Variants in NDUFAB1 observed in about 807,000 individuals in gnomAD.
NDUFAB1 encodes acyl carrier protein, mitochondrial.
In NDUFAB1, 5 loss-of-function variants were observed where a neutral mutation model predicts 16.1. The observed-to-expected ratio is 0.31, with a 90% CI of 0.16 to 0.65. The LOEUF is 0.65. Ranked by LOEUF, NDUFAB1 falls within the 30% of genes least tolerant of loss-of-function variation. NDUFAB1 has a pLI of 0.77. For synonymous variants in NDUFAB1, 85 were observed against 78.4 expected (o/e 1.08, Z -0.44); for missense variants, 187 against 205.3 (o/e 0.91, Z 0.54).
At chr16:23,592,520 G>T (rs563141651) in intron 1 of NDUFAB1, among the ~76,000 whole-genome samples, 5 of 152,232 alleles carry the variant, frequency 3.3e-5, no homozygotes, top group African/African-American at 9.6e-5. Context: ...CCTGGTCCCA[G>T]TCCTGGAATA....
chr16:23,596,081 C>A (rs771677322), intron 1 of NDUFAB1, 42 bp downstream of exon 1: 4 of 1,593,792 alleles, frequency 2.5e-6, no homozygotes, highest in African/African-American at 2.7e-5. Context: ...CGGGCCCAAT[C>A]CCTGACCCTT....
Position 23,587,227 on chromosome 16 carries a change from C to T in NDUFAB1, c.261G>A (p.Leu87=), listed in dbSNP as rs1966240997. ...EGIQDRVLYV[L]KLYDKIDPEK... ...CTGGGTCAATCTTGTCATAGAGTTT[C>T]AATACGTAAAGAACACGGTCCTGGA... Residue 87 remains leucine, a synonymous_variant, in exon 2 of 5, where the codon TTG becomes TTA. Coordinates refer to ENST00000007516, the MANE Select transcript of NDUFAB1 (RefSeq NM_005003.3). 6.2e-7 allele frequency: 1 copy of T among 1,613,972 alleles called. No individual in the cohort carries two copies. The highest frequency in any genetic ancestry group is 8.5e-7 in the Non-Finnish European group (1 of 1,179,948).
intron 3 of NDUFAB1, 94 bp from the exon 4 acceptor site, chr16:23,582,469 T>C (rs1373818403): frequency 2.5e-5 from 34 of 1,359,212 alleles, no homozygotes; most frequent in Non-Finnish European, 3.1e-5. Flanking sequence ...GCTACAAGTA[T>C]ATCAAAACTT....
At chr16:23,593,891 T>G (rs903570100) in intron 1 of NDUFAB1, among the ~76,000 whole-genome samples, 5 of 146,862 alleles carry the variant, frequency 3.4e-5, no homozygotes, top group African/African-American at 1.0e-4. Context: ...TTTATTTATT[T>G]ATTTATTGAG....
At chr16:23,583,144 A>G (rs1214505779) in intron 3 of NDUFAB1, among the ~76,000 whole-genome samples, 3 of 152,238 alleles carry the variant, frequency 2.0e-5, no homozygotes, top group South Asian at 4.1e-4. Flanking sequence ...GCTGGAGTGC[A>G]GTGGCGTGAT....
At position 23,595,678 on chromosome 16, in the gene NDUFAB1, C is replaced by G. The variant is rs1447783620; in HGVS notation, c.168+445G>C. On this transcript the variant is annotated intron_variant, in intron 1 of 4. Transcript: ENST00000007516. ...AAGGACAGAACTGCAGAGAGAAAAC[C>G]GCTCTGGAGAAGGCTGTAGGCCAGT... The G allele has an allele frequency of 4.6e-5, 21 of 460,120 alleles. No individual in the cohort carries two copies. The East Asian group carries it at 1.4e-3, about 30-fold the overall frequency. The allele number at this position is 460,120 out of a possible 1,614,324, so 28.5% of individuals were successfully genotyped here. A position where few individuals can be genotyped will look rare whatever the true frequency, so the allele number is the denominator to read the frequency against.
chr16:23,581,618 CAA>C (rs1966180534), intron 4 of NDUFAB1, among the ~76,000 whole-genome samples: 1 of 151,276 alleles, frequency 6.6e-6, no homozygotes, highest in African/African-American at 2.4e-5. Flanking sequence ...TGTTTTAATT[CAA>C]AAAGTCTTAT....
In NDUFAB1 at chr16:23,582,374, C is replaced by A. The variant is rs1051763246; in HGVS notation, c.381G>T (p.Gly127=). Residue 127 remains glycine, a splice_region_variant and synonymous_variant, in exon 4 of 5, where the codon GGG becomes GGT. Coordinates refer to ENST00000007516, the MANE Select transcript of NDUFAB1 (RefSeq NM_005003.3). ...EIIMAMEDEF[G]FEIPDIDAEK... ...CAGCATCTATATCAGGAATTTCAAA[C>A]CCTAAAAGAAAAATATACAACAATG... The A allele has an allele frequency of 6.4e-6, 10 of 1,558,790 alleles. No homozygotes were observed. In the Admixed American group the frequency reaches 8.2e-5, roughly 13 times the overall value.
At chr16:23,584,548 G>A (rs1567407499) in intron 3 of NDUFAB1, among the ~76,000 whole-genome samples, 1 of 151,734 alleles carries the variant, frequency 6.6e-6, no homozygotes, top group Non-Finnish European at 1.5e-5. Context: ...ACACTGTGCT[G>A]AGCATTTTAC....
chr16:23,591,616 C>T (rs888036988), intron 1 of NDUFAB1, among the ~76,000 whole-genome samples: 2 of 152,206 alleles, frequency 1.3e-5, no homozygotes, highest in African/African-American at 4.8e-5. Flanking sequence ...TTCATGTTCA[C>T]TCCCTATGAC....
intron 1 of NDUFAB1, among the ~76,000 whole-genome samples, chr16:23,587,625 T>C (rs1017337098): frequency 3.9e-5 from 6 of 152,240 alleles, no homozygotes; most frequent in Admixed American, 1.3e-4. Context: ...TAAAATTGTC[T>C]AGCGTCTGCA....
chr16:23,584,266 A>AAAAAAAAG (rs1320900421), intron 3 of NDUFAB1, among the ~76,000 whole-genome samples: 1 of 135,454 alleles, frequency 7.4e-6, no homozygotes, highest in Non-Finnish European at 1.6e-5. Flanking sequence ...AAAAAAAAAA[A>AAAAAAAAG]AAAAAAAAGA....
intron 3 of NDUFAB1, among the ~76,000 whole-genome samples, chr16:23,584,254 T>TAAAAAAAAAAAAAAAAAAAAAAAAAAA (rs774895056): frequency 8.3e-5 from 1 of 12,118 alleles, no homozygotes; most frequent in Non-Finnish European, 2.3e-4. Flanking sequence ...GAATGATCAA[T>TAAAAAAAAAAAAAAAAAAAAAAAAAAA]TAAAAAAAAA....
intron 3 of NDUFAB1, among the ~76,000 whole-genome samples, chr16:23,584,542 T>C (rs1269738196): frequency 1.3e-5 from 2 of 151,974 alleles, no homozygotes. Context: ...GCCCAAACAC[T>C]GTGCTGAGCA....
At chr16:23,586,622 C>G (rs1966235602) in intron 2 of NDUFAB1, among the ~76,000 whole-genome samples, 1 of 142,294 alleles carries the variant, frequency 7.0e-6, no homozygotes, top group Non-Finnish European at 1.5e-5. Context: ...CGTGAGCTAC[C>G]ACGCCCGGCC....
Position 23,596,206 on chromosome 16 carries a change from C to T in NDUFAB1, c.85G>A (p.Ala29Thr), listed in dbSNP as rs2142241410. ...PLPRVRMLAV[A>T]RPLSTALCSA... ...CAGAGAGCGGTGCTGAGAGGCCGGG[C>T]CACGGCCAGCATCCGGACCCGGGGC... Residue 29 changes from alanine (A) to threonine (T), a missense_variant, in exon 1 of 5, where the codon GCC becomes ACC. Physicochemically the swap from Ala to Thr is moderately conservative, Grantham distance 58. This residue lies in a region of NDUFAB1 where 135 missense variants were observed against 129.4 expected (regional missense o/e 1.04). Transcript: ENST00000007516. The T allele has an allele frequency of 6.2e-7, 1 of 1,609,982 alleles. No individual in the cohort carries two copies. The highest frequency in any genetic ancestry group is 2.2e-5 in the East Asian group (1 of 44,716).
In NDUFAB1 at chr16:23,582,377, TA is replaced by T; in HGVS notation, c.380-3del. ...CATCTATATCAGGAATTTCAAACCC[TA>T]AAAGAAAAATATACAACAATGTGAG... On this transcript the variant is annotated splice_region_variant and splice_polypyrimidine_tract_variant and intron_variant, in intron 3 of 4. Transcript: ENST00000007516. The T allele has an allele frequency of 6.4e-7, 1 of 1,553,372 alleles. No homozygotes were observed. The highest frequency in any genetic ancestry group is 8.7e-7 in the Non-Finnish European group (1 of 1,153,630).
At position 23,583,747 on chromosome 16, in the gene NDUFAB1, G is replaced by A. The variant is rs917134302; in HGVS notation, c.380-1372C>T. 7.3e-5 allele frequency among the ~76,000 whole-genome samples: 11 copies of A among 151,160 alleles called. 1 individual carries two copies. The highest frequency in any genetic ancestry group is 1.5e-4 in the Non-Finnish European group (10 of 67,788). ...AGCGTCTCCGCCCGGCAGCCGCCCC[G>A]TCAGGGAGGTGTACCCAACAGCTCA... On this transcript the variant is annotated intron_variant, in intron 3 of 4. Transcript: ENST00000007516.
At chr16:23,595,454 C>G (rs1346491649) in intron 1 of NDUFAB1, 3 of 399,790 alleles carry the variant, frequency 7.5e-6, no homozygotes, top group East Asian at 1.4e-4. Context: ...TTGCAGAATC[C>G]GCTTATAGGA....
Sources: gnomAD v4.1 joint callset for allele counts (sites outside exome capture counted in the v4.1 genomes callset) on GRCh38, gnomAD v4.1.1 for gene constraint, gnomAD v4.1.1 regional missense constraint, MANE v1.5 for transcripts, NCBI Gene and HGNC (gene_info 2026-07-23, HGNC 2026-07-21) for gene names.